The following UST variants were observed in gnomAD, a reference collection of about 807,000 sequenced individuals.
UST encodes the protein uronyl 2-sulfotransferase.
In UST, 21 loss-of-function variants were observed where a neutral mutation model predicts 45.6. That is an observed-to-expected ratio of 0.46 (90% CI 0.33 to 0.66). UST has a LOEUF of 0.66. Ranked by LOEUF, UST falls within the 30% of genes least tolerant of loss-of-function variation. The pLI, the probability that UST is intolerant of heterozygous loss-of-function variation, is 0.02. For synonymous variants in UST, 215 were observed against 200.6 expected (o/e 1.07, Z -0.61); for missense variants, 463 against 512.4 (o/e 0.90, Z 0.93).
At chr6:148,784,212 GA>G (rs1279176642) in intron 1 of UST, among the ~76,000 whole-genome samples, 3 of 152,106 alleles carry the variant, frequency 2.0e-5, no homozygotes, top group Non-Finnish European at 4.4e-5. Context: ...TAAATGCTAT[GA>G]AAAAATATAT....
intron 5 of UST, among the ~76,000 whole-genome samples, chr6:149,001,156 C>T (rs564383707): frequency 5.3e-4 from 80 of 150,798 alleles, no homozygotes; most frequent in African/African-American, 1.9e-3. Flanking sequence ...ACTGCAAGCT[C>T]TACCTCCCAG....
chr6:149,023,962 A>G (rs1011343862), intron 7 of UST, among the ~76,000 whole-genome samples: 1 of 152,340 alleles, frequency 6.6e-6, no homozygotes, highest in Admixed American at 6.5e-5. Context: ...ACCTTCAGCC[A>G]TGATCTTTCC....
intron 1 of UST, among the ~76,000 whole-genome samples, chr6:148,836,744 G>A (rs1468363928): frequency 6.6e-6 from 1 of 152,146 alleles, no homozygotes; most frequent in African/African-American, 2.4e-5. Context: ...TGGACATTGG[G>A]TCCACCAAGT....
chr6:149,061,561 C>A (rs989007768), intron 7 of UST, among the ~76,000 whole-genome samples: 1 of 152,110 alleles, frequency 6.6e-6, no homozygotes, highest in Non-Finnish European at 1.5e-5. Flanking sequence ...GTTTGTTTGG[C>A]AGGGCATTGG....
chr6:149,051,342 T>C (rs1047636699), intron 7 of UST, among the ~76,000 whole-genome samples: 8 of 152,184 alleles, frequency 5.3e-5, no homozygotes, highest in African/African-American at 1.9e-4. Flanking sequence ...TGACCAGACA[T>C]GATGTAGAAA....
intron 1 of UST, among the ~76,000 whole-genome samples, chr6:148,833,130 T>C (rs1328422537): frequency 6.6e-6 from 1 of 152,186 alleles, no homozygotes; most frequent in Non-Finnish European, 1.5e-5. Flanking sequence ...GAAGACAGTA[T>C]CATAGGGTAT....
At chr6:149,005,238 C>A (rs956135410) in intron 5 of UST, 4 of 961,268 alleles carry the variant, frequency 4.2e-6, no homozygotes, top group Non-Finnish European at 4.9e-6. Flanking sequence ...CCCCAACAGA[C>A]CCTCTGTGTA....
chr6:148,939,564 T>C (rs954405564), intron 2 of UST, among the ~76,000 whole-genome samples: 10 of 152,176 alleles, frequency 6.6e-5, no homozygotes, highest in South Asian at 6.2e-4. Context: ...AATACACTTA[T>C]GGTTAGTGAA....
chr6:148,898,471 C>T (rs1265831956), intron 2 of UST, among the ~76,000 whole-genome samples: 1 of 152,116 alleles, frequency 6.6e-6, no homozygotes, highest in Non-Finnish European at 1.5e-5. Flanking sequence ...TCTTACTTCG[C>T]GCTCATCACA....
intron 2 of UST, among the ~76,000 whole-genome samples, chr6:148,887,584 T>A (rs1341467105): frequency 6.6e-6 from 1 of 152,260 alleles, no homozygotes; most frequent in African/African-American, 2.4e-5. Context: ...CTGTTTACTT[T>A]CTTGAGCTCA....
Position 148,941,298 on chromosome 6 carries a change from A to T in UST, c.311A>T (p.Gln104Leu). The change falls in exon 3 of 8, where the codon CAG becomes CTG. Residue 104 changes from glutamine (Q) to leucine (L), a missense_variant. Gln to Leu is a moderately radical substitution (Grantham distance 113, BLOSUM62 -2). Coordinates refer to ENST00000367463, the MANE Select transcript of UST (RefSeq NM_005715.3). ...PPSKVLPFPS[Q>L]VVYNRVGKCG... ...TCCCAGGTACTACCTTTCCCAAGCC[A>T]GGTGGTGTACAACAGGGTAGGCAAG... is the stretch of plus-strand genomic sequence containing the variant. 6.2e-7 allele frequency: 1 copy of T among 1,612,928 alleles called. No individual in the cohort carries two copies. The highest frequency in any genetic ancestry group is 8.5e-7 in the Non-Finnish European group (1 of 1,179,740).
chr6:148,781,410 A>G (rs138869454), intron 1 of UST, among the ~76,000 whole-genome samples: 43 of 152,288 alleles, frequency 2.8e-4, no homozygotes, highest in Admixed American at 1.9e-3. Context: ...CTTCAGTTCT[A>G]TGAAGGCTGA....
chr6:148,810,575 C>A (rs12525295), intron 1 of UST, among the ~76,000 whole-genome samples: 1 of 151,948 alleles, frequency 6.6e-6, no homozygotes, highest in Non-Finnish European at 1.5e-5. Context: ...CTATTTGGCT[C>A]TGTTTGAACC....
chr6:148,807,493 T>C (rs1197230039), intron 1 of UST, among the ~76,000 whole-genome samples: 1 of 152,094 alleles, frequency 6.6e-6, no homozygotes, highest in Non-Finnish European at 1.5e-5. Flanking sequence ...GAGAATGGAG[T>C]GTATATTTGC....
chr6:148,772,583 C>T (rs570977968), intron 1 of UST, among the ~76,000 whole-genome samples: 7 of 152,100 alleles, frequency 4.6e-5, no homozygotes, highest in African/African-American at 1.4e-4. Flanking sequence ...CCACCATGCC[C>T]GGCTAATATT....
Position 148,953,970 on chromosome 6 carries a change from T to G in UST, c.527+19T>G. 6.4e-7 allele frequency: 1 copy of G among 1,568,906 alleles called. No individual in the cohort carries two copies. The highest frequency in any genetic ancestry group is 8.7e-7 in the Non-Finnish European group (1 of 1,150,406). Reference sequence around the variant, plus strand: ...TCTCAAGGTAAGACATTTTCCAGTTTAATGGTTCTTTCATTTTCTTCTAAT... The same window carrying G: ...TCTCAAGGTAAGACATTTTCCAGTTGAATGGTTCTTTCATTTTCTTCTAAT... On this transcript the variant is annotated intron_variant, in intron 4 of 7. Transcript: ENST00000367463.
chr6:148,889,196 A>G (rs1051653017), intron 2 of UST, among the ~76,000 whole-genome samples: 2 of 152,240 alleles, frequency 1.3e-5, no homozygotes, highest in African/African-American at 4.8e-5. Context: ...ACAAGCTCCC[A>G]CATGATGCTG....
chr6:148,873,777 G>A (rs1778601359), intron 1 of UST, among the ~76,000 whole-genome samples: 3 of 151,954 alleles, frequency 2.0e-5, no homozygotes, highest in Non-Finnish European at 4.4e-5. Flanking sequence ...AATGAGGTCC[G>A]GAGAGTGCTT....
At chr6:148,799,031 G>A (rs552268969) in intron 1 of UST, among the ~76,000 whole-genome samples, 4 of 152,106 alleles carry the variant, frequency 2.6e-5, no homozygotes, top group East Asian at 1.9e-4. Flanking sequence ...CACCATGCCC[G>A]GCTAATTTTT....
Sources: gnomAD v4.1 joint callset for allele counts (sites outside exome capture counted in the v4.1 genomes callset) on GRCh38, gnomAD v4.1.1 for gene constraint, MANE v1.5 for transcripts, NCBI Gene and HGNC (gene_info 2026-07-23, HGNC 2026-07-21) for gene names.